Variants in DLGAP1 observed in about 807,000 individuals in gnomAD.
DLGAP1 encodes disks large-associated protein 1.
Under a neutral mutation model 90.8 loss-of-function variants are expected in DLGAP1, and 11 were observed. The ratio of observed to expected loss-of-function variants is 0.12; its 90% CI spans 0.08 to 0.20. The LOEUF is 0.20. Ranked by LOEUF, DLGAP1 falls within the 10% of genes least tolerant of loss-of-function variation. DLGAP1 has a pLI of 1.00. For synonymous variants in DLGAP1, 558 were observed against 540.7 expected (o/e 1.03, Z -0.44); for missense variants, 1,050 against 1,333.8 (o/e 0.79, Z 3.31).
At chr18:4,347,941 C>T (rs1214566314) in intron 1 of DLGAP1, among the ~76,000 whole-genome samples, 1 of 151,636 alleles carries the variant, frequency 6.6e-6, no homozygotes, top group African/African-American at 2.4e-5. Context: ...ATTCCCAAAT[C>T]GTAAAATAAT....
At chr18:3,835,817 T>C (rs1213810746) in intron 4 of DLGAP1, among the ~76,000 whole-genome samples, 2 of 152,180 alleles carry the variant, frequency 1.3e-5, no homozygotes, top group Non-Finnish European at 2.9e-5. Flanking sequence ...TTTCCAATAA[T>C]AGCATAGGAA....
rs1050175636 is a variant in DLGAP1, at chr18:4,084,622, C to T, written c.-159+66558G>A. The stretch of plus-strand genomic sequence containing the variant: ...ACAAACAGGCCTTGCTCAGTTCCCT[C>T]CAGTTTATTGCCATGAGATCATTCT... On this transcript the variant is annotated intron_variant, in intron 2 of 12. Transcript: ENST00000315677. This position sits in a 1 kb window ranked among gnomAD's most constrained non-coding sequence, Gnocchi z 4.0. Among the ~76,000 whole-genome samples the T allele has an allele frequency of 6.6e-6, 1 of 152,164 alleles. No homozygotes were observed. Among genetic ancestry groups the T allele is most frequent in the African/African-American group, 2.4e-5 (1 of 41,434 alleles).
At chr18:3,779,764 C>CT (rs11355225) in intron 5 of DLGAP1, among the ~76,000 whole-genome samples, 1,823 of 142,484 alleles carry the variant, frequency 0.013, 25 homozygotes, top group African/African-American at 0.036. Flanking sequence ...TCAGTGCACC[C>CT]TTTTTTTTTT....
At chr18:4,323,881 C>G (rs1453011082) in intron 1 of DLGAP1, among the ~76,000 whole-genome samples, 1 of 152,028 alleles carries the variant, frequency 6.6e-6, no homozygotes, top group East Asian at 1.9e-4. Context: ...GCAGTGTTAA[C>G]AACGAAGTTT....
At chr18:4,122,022 G>C (rs1352078511) in intron 2 of DLGAP1, among the ~76,000 whole-genome samples, 1 of 152,190 alleles carries the variant, frequency 6.6e-6, no homozygotes, top group Non-Finnish European at 1.5e-5. Flanking sequence ...TCTGACTCCA[G>C]CATCTGTGAG....
At chr18:3,745,450 A>G (rs188197112) in intron 5 of DLGAP1, among the ~76,000 whole-genome samples, 10 of 152,316 alleles carry the variant, frequency 6.6e-5, no homozygotes, top group African/African-American at 2.4e-4. Context: ...GGGCAATACT[A>G]GAGAAAGAAG....
rs1388336773 is a variant in DLGAP1, at chr18:3,661,298, C to G, written c.1591+67837G>C. 2.0e-5 allele frequency among the ~76,000 whole-genome samples: 3 copies of G among 152,226 alleles called. No individual in the cohort carries two copies. The East Asian group carries it at 5.8e-4, about 29-fold the overall frequency. On this transcript the variant is annotated intron_variant, in intron 7 of 12. Coordinates refer to ENST00000315677, the MANE Select transcript of DLGAP1 (RefSeq NM_004746.4). ...CACAAATTCTTCCACACTCCTCCCA[C>G]AGACAGGTGGAGGCTATGTCTCCTC...
At chr18:3,820,766 T>A (rs1004911053) in intron 4 of DLGAP1, among the ~76,000 whole-genome samples, 1 of 152,140 alleles carries the variant, frequency 6.6e-6, no homozygotes, top group Non-Finnish European at 1.5e-5. Flanking sequence ...TTACTTTATG[T>A]TAATCTTTGC....
intron 7 of DLGAP1, among the ~76,000 whole-genome samples, chr18:3,666,819 C>A (rs1387944784): frequency 6.6e-6 from 1 of 152,156 alleles, no homozygotes; most frequent in African/African-American, 2.4e-5. Flanking sequence ...TGCAGTGGTG[C>A]AATCATAGCT....
chr18:3,748,069 T>C (rs1263556362), intron 5 of DLGAP1, among the ~76,000 whole-genome samples: 1 of 152,246 alleles, frequency 6.6e-6, no homozygotes, highest in Admixed American at 6.5e-5. Context: ...TTATTTCCAA[T>C]GTTGGTCTAA....
At chr18:4,303,007 T>C (rs1260220914) in intron 1 of DLGAP1, among the ~76,000 whole-genome samples, 1 of 152,206 alleles carries the variant, frequency 6.6e-6, no homozygotes, top group Non-Finnish European at 1.5e-5. Flanking sequence ...GTAATTTTAT[T>C]TGTGGCACTT....
chr18:4,002,064 G>A (rs1011452475), intron 3 of DLGAP1, among the ~76,000 whole-genome samples: 2 of 151,950 alleles, frequency 1.3e-5, no homozygotes, highest in East Asian at 3.9e-4. Flanking sequence ...GTGTTTTCCC[G>A]CTGCTTTATT....
intron 2 of DLGAP1, among the ~76,000 whole-genome samples, chr18:4,111,909 C>G (rs531903047): frequency 6.6e-6 from 1 of 150,680 alleles, no homozygotes; most frequent in South Asian, 2.1e-4. Flanking sequence ...ATTGATTTTT[C>G]TCTTTTGTTT....
rs2147232773 is a variant in DLGAP1, at chr18:3,711,781, G to A, written c.1591+17354C>T. ...TTGAGCCCGGGAGATCAAGGCTGTT[G>A]TGAGCCATGATCATGCCACTGCACT... On this transcript the variant is annotated intron_variant, in intron 7 of 12. Coordinates refer to ENST00000315677, the MANE Select transcript of DLGAP1 (RefSeq NM_004746.4). The surrounding 1 kb of genome is among the most constrained non-coding windows in gnomAD (Gnocchi z 4.0). Among the ~76,000 whole-genome samples, 1 of 152,304 alleles carries A rather than the reference G, an allele frequency of 6.6e-6. No individual in the cohort carries two copies. The highest frequency in any genetic ancestry group is 1.9e-4 in the East Asian group (1 of 5,186).
intron 1 of DLGAP1, among the ~76,000 whole-genome samples, chr18:4,283,591 A>G (rs2079606744): frequency 6.6e-6 from 1 of 152,212 alleles, no homozygotes; most frequent in Non-Finnish European, 1.5e-5. Context: ...AACCTTGTGT[A>G]CAACTTATAA....
intron 7 of DLGAP1, chr18:3,597,576 T>C: frequency 3.9e-6 from 1 of 257,706 alleles, no homozygotes; most frequent in South Asian, 3.7e-5. Context: ...ATCAGTAACC[T>C]TGGTTCACTG....
chr18:4,282,341 G>A (rs1447692748), intron 1 of DLGAP1, among the ~76,000 whole-genome samples: 3 of 147,230 alleles, frequency 2.0e-5, no homozygotes, highest in East Asian at 3.9e-4. Flanking sequence ...TCCAACCTGG[G>A]CAACAAAGCG....
At chr18:4,234,532 A>G (rs2145077619) in intron 1 of DLGAP1, among the ~76,000 whole-genome samples, 1 of 152,260 alleles carries the variant, frequency 6.6e-6, no homozygotes, top group East Asian at 1.9e-4. Context: ...ACAATAATTT[A>G]CTTTGAAAGA....
Position 3,659,950 on chromosome 18 carries a change from C to T in DLGAP1, c.1591+69185G>A, listed in dbSNP as rs190735842. Among the ~76,000 whole-genome samples, 216 of 152,304 alleles carry T rather than the reference C, an allele frequency of 1.4e-3. 1 individual carries two copies. The highest frequency in any genetic ancestry group is 2.7e-3 in the Non-Finnish European group (186 of 68,026). ...CCACATGGTTTCTTTCTGTGCTTTGCAATGCTATTTCCTTTCTGCCCTTGG... is the reference window on the plus strand; with the variant it reads ...CCACATGGTTTCTTTCTGTGCTTTGTAATGCTATTTCCTTTCTGCCCTTGG... On this transcript the variant is annotated intron_variant, in intron 7 of 12. Transcript: ENST00000315677.
Sources: allele counts gnomAD v4.1 joint callset (sites outside exome capture counted in the v4.1 genomes callset), GRCh38; gene constraint gnomAD v4.1.1; non-coding constraint Gnocchi (gnomAD v3.1); transcripts MANE v1.5; gene names NCBI Gene and HGNC (gene_info 2026-07-23, HGNC 2026-07-21).